Variants in LRMDA observed in about 807,000 individuals in gnomAD.
LRMDA encodes leucine rich melanocyte differentiation associated.
A neutral mutation model predicts 29.8 loss-of-function variants in LRMDA; 18 were observed. The ratio of observed to expected loss-of-function variants is 0.60; its 90% CI spans 0.42 to 0.90. The LOEUF (loss-of-function observed/expected upper bound fraction) is 0.90. LRMDA is among the 40% of genes least tolerant of loss of function. The pLI, the probability that LRMDA is intolerant of heterozygous loss-of-function variation, is 0.00. For synonymous variants in LRMDA, 125 were observed against 109.4 expected (o/e 1.14, Z -0.89); for missense variants, 273 against 273.9 (o/e 1.00, Z 0.02).
intron 5 of LRMDA, among the ~76,000 whole-genome samples, chr10:76,282,039 G>A (rs1840213265): frequency 6.6e-6 from 1 of 152,156 alleles, no homozygotes; most frequent in Non-Finnish European, 1.5e-5. Context: ...AGATGCCTCT[G>A]TAATTATAGA....
At chr10:75,634,347 A>G (rs1841363886) in intron 2 of LRMDA, among the ~76,000 whole-genome samples, 1 of 152,194 alleles carries the variant, frequency 6.6e-6, no homozygotes, top group Non-Finnish European at 1.5e-5. Context: ...CTCCTGCCCT[A>G]AGTTTACAAT....
intron 2 of LRMDA, among the ~76,000 whole-genome samples, chr10:76,003,237 T>C (rs558341426): frequency 5.9e-5 from 9 of 152,222 alleles, no homozygotes; most frequent in African/African-American, 2.2e-4. Flanking sequence ...TAGACGGGAT[T>C]GGTGGGTGGA....
intron 6 of LRMDA, among the ~76,000 whole-genome samples, chr10:76,425,908 C>T (rs1466131814): frequency 2.0e-5 from 3 of 152,108 alleles, no homozygotes; most frequent in Admixed American, 2.0e-4. Context: ...CAGCTTCATC[C>T]ATGTCCCTAC....
chr10:76,263,793 G>A (rs1003201318), intron 5 of LRMDA, among the ~76,000 whole-genome samples: 1 of 152,198 alleles, frequency 6.6e-6, no homozygotes, highest in Admixed American at 6.5e-5. Context: ...GACCCTGAGA[G>A]GGATAAAAGT....
At chr10:75,852,974 G>A (rs1002785748) in intron 2 of LRMDA, among the ~76,000 whole-genome samples, 3 of 152,088 alleles carry the variant, frequency 2.0e-5, no homozygotes, top group Non-Finnish European at 4.4e-5. Context: ...TCTTCTTTAC[G>A]TGGCATCAAG....
At chr10:76,497,556 G>A (rs1842886314) in intron 6 of LRMDA, among the ~76,000 whole-genome samples, 1 of 75,366 alleles carries the variant, frequency 1.3e-5, no homozygotes, top group Admixed American at 1.2e-4. Context: ...TAGAGAGATG[G>A]CAAAAGTGTG....
At chr10:76,215,570 G>A (rs1010898286) in intron 5 of LRMDA, among the ~76,000 whole-genome samples, 1 of 151,212 alleles carries the variant, frequency 6.6e-6, no homozygotes, top group African/African-American at 2.4e-5. Flanking sequence ...CGTCACATTT[G>A]TGGGTAATCC....
intron 2 of LRMDA, among the ~76,000 whole-genome samples, chr10:75,676,248 A>G (rs919838147): frequency 1.3e-5 from 2 of 152,188 alleles, no homozygotes; most frequent in Admixed American, 6.5e-5. Flanking sequence ...GATTCCAGAA[A>G]GTGAGTTGTT....
intron 6 of LRMDA, among the ~76,000 whole-genome samples, chr10:76,445,476 T>C (rs568582419): frequency 6.6e-6 from 1 of 152,352 alleles, no homozygotes; most frequent in South Asian, 2.1e-4. Flanking sequence ...CGGATGTTTA[T>C]TTGTCTGTTA....
At chr10:75,535,911 T>A (rs1839938880) in intron 2 of LRMDA, among the ~76,000 whole-genome samples, 1 of 152,196 alleles carries the variant, frequency 6.6e-6, no homozygotes, top group South Asian at 2.1e-4. Context: ...TTCTGAGCCA[T>A]CTGTGCCATT....
chr10:76,054,354 T>G (rs1048395337), intron 4 of LRMDA, among the ~76,000 whole-genome samples: 4 of 152,082 alleles, frequency 2.6e-5, no homozygotes, highest in Non-Finnish European at 5.9e-5. Context: ...ATGGGCTGTC[T>G]CTTCGATTGT....
At chr10:76,147,603 C>G (rs891364407) in intron 5 of LRMDA, among the ~76,000 whole-genome samples, 2 of 151,764 alleles carry the variant, frequency 1.3e-5, no homozygotes, top group African/African-American at 4.8e-5. Context: ...TTTTTCAAAA[C>G]TTTTAACTTC....
At chr10:76,455,909 G>A (rs1842452472) in intron 6 of LRMDA, among the ~76,000 whole-genome samples, 2 of 152,092 alleles carry the variant, frequency 1.3e-5, no homozygotes, top group Admixed American at 6.5e-5. Flanking sequence ...CGGGTAGTAA[G>A]GAATCTAGAA....
At chr10:76,248,832 G>A (rs1415677976) in intron 5 of LRMDA, among the ~76,000 whole-genome samples, 1 of 152,170 alleles carries the variant, frequency 6.6e-6, no homozygotes, top group Non-Finnish European at 1.5e-5. Flanking sequence ...GGAAGGGCCT[G>A]TAATTATTAA....
intron 2 of LRMDA, among the ~76,000 whole-genome samples, chr10:75,923,337 A>G (rs1467758440): frequency 6.6e-6 from 1 of 152,238 alleles, no homozygotes; most frequent in Non-Finnish European, 1.5e-5. Context: ...TCAATGGTTC[A>G]GTTAATAATG....
At chr10:76,405,189 T>A (rs2132501433) in intron 6 of LRMDA, among the ~76,000 whole-genome samples, 1 of 152,318 alleles carries the variant, frequency 6.6e-6, no homozygotes, top group East Asian at 1.9e-4. Context: ...CCCAGACTCA[T>A]AAGACCCCAA....
intron 6 of LRMDA, among the ~76,000 whole-genome samples, chr10:76,531,324 T>C (rs931161044): frequency 3.9e-5 from 6 of 152,306 alleles, no homozygotes; most frequent in South Asian, 2.1e-4. Context: ...GATGAGAATA[T>C]GTGAATTGAA....
chr10:76,324,325 A>T, intron 5 of LRMDA, 76 bp from the exon 6 acceptor site: 1 of 1,236,468 alleles, frequency 8.1e-7, no homozygotes, highest in East Asian at 2.3e-5. Context: ...TCCCAAGGAG[A>T]CAGGTCTGGT....
At chr10:75,917,162 A>G (rs111353648) in intron 2 of LRMDA, among the ~76,000 whole-genome samples, 6 of 152,356 alleles carry the variant, frequency 3.9e-5, no homozygotes, top group East Asian at 1.9e-4. Context: ...CAGGCCATCA[A>G]TGGGCAAGTC....
Sources: allele counts gnomAD v4.1 joint callset (sites outside exome capture counted in the v4.1 genomes callset), GRCh38; gene constraint gnomAD v4.1.1; transcripts MANE v1.5; gene names NCBI Gene and HGNC (gene_info 2026-07-23, HGNC 2026-07-21).